RERE: variants seen among roughly 807,000 people sequenced by gnomAD.
RERE encodes arginine-glutamic acid dipeptide repeats.
In RERE, 40 loss-of-function variants were observed where a neutral mutation model predicts 146.1. The ratio of observed to expected loss-of-function variants is 0.27; its 90% CI spans 0.21 to 0.36. The LOEUF is 0.36. RERE is among the 10% of genes least tolerant of loss of function. RERE has a pLI of 1.00. For synonymous variants in RERE, 1,003 were observed against 866.0 expected (o/e 1.16, Z -2.78); for missense variants, 1,933 against 2,138.7 (o/e 0.90, Z 1.90).
In RERE at chr1:8,361,242, AGGAGCTGAGGAG is replaced by A; in HGVS notation, c.2253_2264del (p.Ser752_Pro755del). On this transcript the variant is annotated inframe_deletion, in exon 18 of 23. Transcript: ENST00000400908. ...GCGTGGGCAGCTGAGGGGTCCCTGGAGGAGCTGAGGAGGGAGCTGGGGTGACCCCAGTGGGAG... is the reference window on the plus strand; with the variant it reads ...GCGTGGGCAGCTGAGGGGTCCCTGGAGGAGCTGGGGTGACCCCAGTGGGAG... The A allele has an allele frequency of 6.4e-7, 1 of 1,556,774 alleles. No individual in the cohort carries two copies. Among genetic ancestry groups the A allele is most frequent in the South Asian group, 1.2e-5 (1 of 81,982 alleles).
chr1:8,732,964 G>A (rs1201133064), intron 1 of RERE, among the ~76,000 whole-genome samples: 6 of 151,196 alleles, frequency 4.0e-5, no homozygotes, highest in African/African-American at 9.7e-5. Context: ...TGGGACTACA[G>A]GCGCCCGCCA....
chr1:8,599,483 T>C (rs1490812287), intron 4 of RERE, among the ~76,000 whole-genome samples: 1 of 152,146 alleles, frequency 6.6e-6, no homozygotes, highest in African/African-American at 2.4e-5. Context: ...AAAAAGTGTA[T>C]AGATGTCCAA....
At chr1:8,642,696 A>G (rs772163836) in intron 2 of RERE, among the ~76,000 whole-genome samples, 9 of 152,204 alleles carry the variant, frequency 5.9e-5, no homozygotes, top group Non-Finnish European at 1.0e-4. Flanking sequence ...TAAAAAGTGT[A>G]ACAGTGTCCT....
At chr1:8,593,353 G>T (rs1298175850) in intron 4 of RERE, among the ~76,000 whole-genome samples, 4 of 152,182 alleles carry the variant, frequency 2.6e-5, no homozygotes, top group Non-Finnish European at 5.9e-5. Flanking sequence ...CCAGTGGGAG[G>T]TGACTGAATC....
intron 12 of RERE, among the ~76,000 whole-genome samples, chr1:8,411,334 T>TA (rs397949244): frequency 2.0e-5 from 3 of 150,770 alleles, no homozygotes; most frequent in Admixed American, 1.3e-4. Context: ...TTTTTTTTTT[T>TA]AAAGAGATGG....
intron 11 of RERE, among the ~76,000 whole-genome samples, chr1:8,433,553 CTTTTT>C (rs35096712): frequency 7.7e-6 from 1 of 130,206 alleles, no homozygotes; most frequent in Admixed American, 7.7e-5. Flanking sequence ...CCATTCATTT[CTTTTT>C]TTTTTTTTTT....
chr1:8,567,558 C>T (rs1042196040), intron 4 of RERE, among the ~76,000 whole-genome samples: 3 of 152,134 alleles, frequency 2.0e-5, no homozygotes, highest in Non-Finnish European at 2.9e-5. Context: ...GAAAAATCAA[C>T]CAATATTTTG....
Position 8,361,252 on chromosome 1 carries a change from G to T in RERE, c.2255C>A (p.Ser752Tyr). ...QAPTGVTPAP[S>Y]SAPPGTPQLP... The stretch of plus-strand genomic sequence containing the variant: ...CTGAGGGGTCCCTGGAGGAGCTGAG[G>T]AGGGAGCTGGGGTGACCCCAGTGGG... Residue 752 changes from serine (S) to tyrosine (Y), a missense_variant, in exon 18 of 23, where the codon TCC (serine) becomes TAC (tyrosine). Around this residue, in one of 11 missense-constraint regions of RERE, gnomAD observed 1,255 missense variants for 1,153.8 expected, o/e 1.09. Transcript: ENST00000400908. 6.4e-7 allele frequency: 1 copy of T among 1,568,814 alleles called. No individual in the cohort carries two copies.
At chr1:8,559,304 A>AAAAAAAAAAAAAAAAAAAAAAAAAAAC (rs754733974) in intron 4 of RERE, among the ~76,000 whole-genome samples, 1 of 130,098 alleles carries the variant, frequency 7.7e-6, no homozygotes, top group East Asian at 2.4e-4. Flanking sequence ...AAAAAAAAAA[A>AAAAAAAAAAAAAAAAAAAAAAAAAAAC]CAGAACAAAA....
intron 4 of RERE, among the ~76,000 whole-genome samples, chr1:8,613,987 C>A (rs1471216619): frequency 1.3e-5 from 2 of 152,162 alleles, no homozygotes; most frequent in African/African-American, 4.8e-5. Flanking sequence ...CTGCCTCTTA[C>A]ACATCCCTCA....
chr1:8,662,509 C>A (rs77303445), intron 1 of RERE, among the ~76,000 whole-genome samples: 3 of 152,146 alleles, frequency 2.0e-5, no homozygotes, highest in Non-Finnish European at 4.4e-5. Context: ...CAGCAAGACC[C>A]CATCTTTACA....
intron 4 of RERE, among the ~76,000 whole-genome samples, chr1:8,577,745 A>C (rs1370013686): frequency 6.6e-6 from 1 of 152,230 alleles, no homozygotes; most frequent in Non-Finnish European, 1.5e-5. Context: ...AAAATAGCTT[A>C]TCACTACATC....
chr1:8,758,586 G>C (rs1048859760), intron 1 of RERE, among the ~76,000 whole-genome samples: 1 of 151,378 alleles, frequency 6.6e-6, no homozygotes, highest in Non-Finnish European at 1.5e-5. Context: ...TTGTAGTGAC[G>C]AGGTCTCGCC....
At chr1:8,366,924 A>AAAC (rs1641825873) in intron 12 of RERE, among the ~76,000 whole-genome samples, 2 of 149,542 alleles carry the variant, frequency 1.3e-5, no homozygotes, top group African/African-American at 5.0e-5. Flanking sequence ...AACAAAAAAA[A>AAAC]AAAACAAAAA....
At chr1:8,653,716 A>G (rs796586364) in intron 2 of RERE, among the ~76,000 whole-genome samples, 2,612 of 148,102 alleles carry the variant, frequency 0.018, 57 homozygotes, top group African/African-American at 0.064. Context: ...AAAAAAAAAA[A>G]GGGTTAACAT....
chr1:8,594,556 A>T (rs1280013356), intron 4 of RERE, among the ~76,000 whole-genome samples: 1 of 152,222 alleles, frequency 6.6e-6, no homozygotes, highest in Non-Finnish European at 1.5e-5. Flanking sequence ...TTTAGCCAGC[A>T]ATATAGCAAG....
chr1:8,610,720 T>C (rs957983048), intron 4 of RERE, among the ~76,000 whole-genome samples: 1 of 152,232 alleles, frequency 6.6e-6, no homozygotes. Context: ...TAATGAATTA[T>C]TTTATTTAAT....
At chr1:8,627,653 C>A (rs545809685) in intron 2 of RERE, among the ~76,000 whole-genome samples, 2,283 of 151,332 alleles carry the variant, frequency 0.015, 60 homozygotes, top group African/African-American at 0.053. Flanking sequence ...AAAGACTACG[C>A]ATGTTTTTCT....
At position 8,462,429 on chromosome 1, in the gene RERE, G is replaced by A. The variant is rs1557643029; in HGVS notation, c.1203+3496C>T. 3.3e-5 allele frequency among the ~76,000 whole-genome samples: 5 copies of A among 152,374 alleles called. No individual in the cohort carries two copies. The South Asian group carries it at 1.0e-3, about 32-fold the overall frequency. On this transcript the variant is annotated intron_variant, in intron 11 of 22. Coordinates refer to ENST00000400908, the MANE Select transcript of RERE (RefSeq NM_001042681.2). ...GTGACGCGCAGAGGGGAGACAGTGC[G>A]AAGAGGGAGCACTGGCCGCGGGATG...
Sources: allele counts gnomAD v4.1 joint callset (sites outside exome capture counted in the v4.1 genomes callset), GRCh38; gene constraint gnomAD v4.1.1; regional missense constraint gnomAD v4.1.1; transcripts MANE v1.5; gene names NCBI Gene and HGNC (gene_info 2026-07-23, HGNC 2026-07-21).